The following GABRG2 variants were observed in gnomAD, a reference collection of about 807,000 sequenced individuals.
GABRG2 encodes gamma-aminobutyric acid receptor subunit gamma-2.
GABRG2 carries 16 observed loss-of-function variants against 56.4 expected under a neutral mutation model. The observed-to-expected ratio is 0.28, with a 90% CI of 0.19 to 0.43. GABRG2 has a LOEUF of 0.43. GABRG2 is among the 20% of genes least tolerant of loss of function. GABRG2 has a pLI of 1.00. For missense variants in GABRG2, 327 were observed against 582.7 expected (o/e 0.56, Z 4.52); for synonymous variants, 208 against 205.5 (o/e 1.01, Z -0.10).
At chr5:162,152,434 G>T in intron 9 of GABRG2, 3 of 478,198 alleles carry the variant, frequency 6.3e-6, no homozygotes, top group South Asian at 1.6e-5. Flanking sequence ...GGTCTAGCAG[G>T]AAATTTGACA....
chr5:162,121,463 A>G (rs752489968), intron 6 of GABRG2, among the ~76,000 whole-genome samples: 2 of 151,834 alleles, frequency 1.3e-5, no homozygotes, highest in Non-Finnish European at 2.9e-5. Flanking sequence ...CTTTGGATCT[A>G]TTTTTTTTAA....
At chr5:162,118,195 G>A (rs1215740861) in intron 6 of GABRG2, among the ~76,000 whole-genome samples, 1 of 138,374 alleles carries the variant, frequency 7.2e-6, no homozygotes, top group African/African-American at 2.7e-5. Flanking sequence ...TGTTCATAGA[G>A]GTTCTGATGG....
chr5:162,136,051 C>T (rs1036154692), intron 6 of GABRG2, among the ~76,000 whole-genome samples: 2 of 152,034 alleles, frequency 1.3e-5, no homozygotes, highest in African/African-American at 4.8e-5. Context: ...ATATTGCAAA[C>T]AAGGTCAAAA....
intron 1 of GABRG2, among the ~76,000 whole-genome samples, chr5:162,087,793 C>T (rs1232243071): frequency 6.6e-6 from 1 of 152,036 alleles, no homozygotes; most frequent in Non-Finnish European, 1.5e-5. Context: ...TAATAAAATC[C>T]CACAGACATT....
rs187087406 is a variant in GABRG2, at chr5:162,124,750, G to A, written c.770-17414G>A. Reference sequence around the variant, plus strand: ...AAAAAGCACTATTTCTTAATGCGCCGCATGACACACAGTGCTAGAGATCCA... The same window carrying A: ...AAAAAGCACTATTTCTTAATGCGCCACATGACACACAGTGCTAGAGATCCA... On this transcript the variant is annotated intron_variant, in intron 6 of 9. Transcript: ENST00000639213. 6.5e-4 allele frequency among the ~76,000 whole-genome samples: 99 copies of A among 151,794 alleles called. No homozygotes were observed. In the Middle Eastern group the frequency reaches 0.01, roughly 16 times the overall value.
At chr5:162,111,839 CAG>C (rs1762272877) in intron 6 of GABRG2, among the ~76,000 whole-genome samples, 1 of 152,064 alleles carries the variant, frequency 6.6e-6, no homozygotes, top group African/African-American at 2.4e-5. Flanking sequence ...GCTATTTTTA[CAG>C]AGACATGCAA....
At chr5:162,131,733 T>G (rs1436648425) in intron 6 of GABRG2, among the ~76,000 whole-genome samples, 1 of 152,052 alleles carries the variant, frequency 6.6e-6, no homozygotes, top group African/African-American at 2.4e-5. Flanking sequence ...CATCTGAATA[T>G]AATCTGAATC....
intron 2 of GABRG2, chr5:162,094,690 A>G (rs1253294238): frequency 2.0e-5 from 3 of 152,500 alleles, no homozygotes; most frequent in Non-Finnish European, 4.4e-5. Flanking sequence ...GAAGGCAAGG[A>G]TGTGAATGCC....
intron 1 of GABRG2, among the ~76,000 whole-genome samples, chr5:162,068,519 T>G (rs1456461294): frequency 4.0e-5 from 6 of 148,868 alleles, no homozygotes; most frequent in Admixed American, 6.7e-5. Flanking sequence ...ACCGGAGAGA[T>G]ATGTGTGAGG....
intron 6 of GABRG2, among the ~76,000 whole-genome samples, chr5:162,122,719 C>T (rs997868195): frequency 2.0e-5 from 3 of 151,458 alleles, no homozygotes; most frequent in African/African-American, 7.3e-5. Context: ...AGATAAATGG[C>T]TTCATCAGTA....
At chr5:162,118,410 G>A (rs1380758597) in intron 6 of GABRG2, among the ~76,000 whole-genome samples, 1 of 151,986 alleles carries the variant, frequency 6.6e-6, no homozygotes, top group Non-Finnish European at 1.5e-5. Flanking sequence ...GTGGTAACAG[G>A]TGTATCTTGA....
intron 9 of GABRG2, chr5:162,152,362 A>T (rs1196992063): frequency 2.6e-6 from 1 of 380,166 alleles, no homozygotes; most frequent in Non-Finnish European, 5.2e-6. Flanking sequence ...AGATTATGCT[A>T]AAATGAAATC....
chr5:162,075,296 A>G (rs1759005632), intron 1 of GABRG2, among the ~76,000 whole-genome samples: 1 of 152,128 alleles, frequency 6.6e-6, no homozygotes, highest in South Asian at 2.1e-4. Flanking sequence ...TGTGTTTCAC[A>G]TATCCACTGA....
chr5:162,088,604 T>G (rs186504540), intron 1 of GABRG2, among the ~76,000 whole-genome samples: 18 of 152,280 alleles, frequency 1.2e-4, no homozygotes, highest in African/African-American at 3.8e-4. Flanking sequence ...ATAAATTAAT[T>G]TATTGTCCTA....
chr5:162,141,980 T>A (rs1764600738), intron 6 of GABRG2, among the ~76,000 whole-genome samples, 184 bp from the exon 7 acceptor site: 1 of 152,154 alleles, frequency 6.6e-6, no homozygotes, highest in Non-Finnish European at 1.5e-5. Context: ...AGAGTTGGGA[T>A]TCAGTTCAGG....
In GABRG2 at chr5:162,135,708, T is replaced by C. The variant is rs148404522; in HGVS notation, c.770-6456T>C. On this transcript the variant is annotated intron_variant, in intron 6 of 9. Transcript: ENST00000639213. Reference sequence around the variant, plus strand: ...CATTAATTGACGTTTGAAAAATAAATGGAGTTAAGTGAGTAAAGAAAGATG... The same window carrying C: ...CATTAATTGACGTTTGAAAAATAAACGGAGTTAAGTGAGTAAAGAAAGATG... Among the ~76,000 whole-genome samples, 424 of 152,114 alleles carry C rather than the reference T, an allele frequency of 2.8e-3. 2 individuals are homozygous for C. Among genetic ancestry groups the C allele is most frequent in the African/African-American group, 9.6e-3 (400 of 41,486 alleles).
At chr5:162,078,390 TATATATA>T (rs1367818320) in intron 1 of GABRG2, among the ~76,000 whole-genome samples, 86 of 43,118 alleles carry the variant, frequency 2.0e-3, no homozygotes, top group Non-Finnish European at 2.3e-3. Context: ...TATATATATA[TATATATA>T]TTTTTTTTTT....
At chr5:162,073,525 A>G (rs1758840747) in intron 1 of GABRG2, among the ~76,000 whole-genome samples, 1 of 151,930 alleles carries the variant, frequency 6.6e-6, no homozygotes, top group Non-Finnish European at 1.5e-5. Flanking sequence ...TTCTTAGAAA[A>G]GTGGAAGACA....
At chr5:162,141,553 G>C (rs1290843676) in intron 6 of GABRG2, among the ~76,000 whole-genome samples, 1 of 152,116 alleles carries the variant, frequency 6.6e-6, no homozygotes, top group African/African-American at 2.4e-5. Flanking sequence ...AAGTCCAGTA[G>C]GGGGAAAGAT....
Sources: gnomAD v4.1 joint callset for allele counts (sites outside exome capture counted in the v4.1 genomes callset) on GRCh38, gnomAD v4.1.1 for gene constraint, MANE v1.5 for transcripts, NCBI Gene and HGNC (gene_info 2026-07-23, HGNC 2026-07-21) for gene names.